KCNH8: variants seen among roughly 807,000 people sequenced by gnomAD.
The protein encoded by KCNH8 is voltage-gated delayed rectifier potassium channel KCNH8.
A neutral mutation model predicts 103.6 loss-of-function variants in KCNH8; 70 were observed. The observed-to-expected ratio is 0.68, with a 90% CI of 0.56 to 0.82. The LOEUF is 0.82. Among genes scored for constraint, KCNH8 ranks in the 40% least tolerant of loss-of-function variants. KCNH8 has a pLI of 0.00. For missense variants in KCNH8, 1,217 were observed against 1,329.9 expected, an observed-to-expected ratio of 0.92 and a Z score of 1.32; for synonymous variants, 498 against 489.4, an observed-to-expected ratio of 1.02 and a Z score of -0.23.
At chr3:19,242,530 G>T (rs1369389988) in intron 1 of KCNH8, among the ~76,000 whole-genome samples, 1 of 152,192 alleles carries the variant, frequency 6.6e-6, no homozygotes, top group East Asian at 1.9e-4. Flanking sequence ...AAAACCATAA[G>T]ATCAAAGGGG....
chr3:19,202,180 T>G (rs1367534445), intron 1 of KCNH8, among the ~76,000 whole-genome samples: 1 of 152,168 alleles, frequency 6.6e-6, no homozygotes, highest in Non-Finnish European at 1.5e-5. Context: ...CCTGTTTTGC[T>G]TAGGCCGGTC....
At chr3:19,355,609 C>A (rs2125325635) in intron 5 of KCNH8, among the ~76,000 whole-genome samples, 1 of 152,226 alleles carries the variant, frequency 6.6e-6, no homozygotes, top group Non-Finnish European at 1.5e-5. Context: ...TAGAAACCAT[C>A]ATTCTGAGCA....
chr3:19,320,821 T>G (rs1559475234), intron 3 of KCNH8, among the ~76,000 whole-genome samples: 3 of 151,912 alleles, frequency 2.0e-5, no homozygotes, highest in African/African-American at 4.8e-5. Flanking sequence ...GAATTTTTTT[T>G]TTGTTGGTAA....
chr3:19,169,867 A>ATT (rs1240027470), intron 1 of KCNH8, among the ~76,000 whole-genome samples: 2 of 152,232 alleles, frequency 1.3e-5, no homozygotes, highest in Non-Finnish European at 2.9e-5. Flanking sequence ...GAAGTTGTAT[A>ATT]TCATTTTTTG....
At chr3:19,462,052 T>G (rs970017544) in intron 11 of KCNH8, among the ~76,000 whole-genome samples, 2 of 152,222 alleles carry the variant, frequency 1.3e-5, no homozygotes, top group South Asian at 2.1e-4. Flanking sequence ...TGTTGGACAT[T>G]TGGGTTGGTT....
intron 7 of KCNH8, among the ~76,000 whole-genome samples, chr3:19,419,814 A>G (rs2066924377): frequency 6.6e-6 from 1 of 151,932 alleles, no homozygotes; most frequent in East Asian, 2.0e-4. Context: ...AGGTTCAGTC[A>G]ATTGAAGTAC....
At chr3:19,415,010 CCT>C (rs1363599316) in intron 7 of KCNH8, among the ~76,000 whole-genome samples, 1 of 151,798 alleles carries the variant, frequency 6.6e-6, no homozygotes, top group East Asian at 1.9e-4. Flanking sequence ...TCACTTGCTC[CCT>C]CTTTCTCTCC....
intron 1 of KCNH8, among the ~76,000 whole-genome samples, chr3:19,159,402 A>T (rs2063212644): frequency 6.6e-6 from 1 of 152,006 alleles, no homozygotes; most frequent in South Asian, 2.1e-4. Context: ...TGGAATTTAC[A>T]TTCTTTTCTT....
At chr3:19,233,253 G>A (rs1178408923) in intron 1 of KCNH8, among the ~76,000 whole-genome samples, 2 of 152,126 alleles carry the variant, frequency 1.3e-5, no homozygotes, top group African/African-American at 4.8e-5. Context: ...TGAAAAGTTT[G>A]TAGCAGAAGA....
intron 1 of KCNH8, among the ~76,000 whole-genome samples, chr3:19,223,265 G>A (rs77813736): frequency 0.11 from 16,142 of 152,026 alleles, 2,840 homozygotes; most frequent in African/African-American, 0.36. Context: ...AGGTCTCAAC[G>A]TAAAATTAAA....
intron 2 of KCNH8, 56 bp from the exon 3 acceptor site, chr3:19,281,142 A>T (rs551617965): frequency 1.7e-5 from 27 of 1,566,342 alleles, no homozygotes; most frequent in Non-Finnish European, 2.3e-5. Flanking sequence ...TGAGATTTCC[A>T]TAGAGATAAC....
At chr3:19,158,285 A>G (rs113154438) in intron 1 of KCNH8, among the ~76,000 whole-genome samples, 2,151 of 151,592 alleles carry the variant, frequency 0.014, 51 homozygotes, top group African/African-American at 0.049. Flanking sequence ...ATGTAATTCT[A>G]TTTCTTGACT....
At chr3:19,375,113 T>C (rs1285679704) in intron 5 of KCNH8, among the ~76,000 whole-genome samples, 2 of 151,772 alleles carry the variant, frequency 1.3e-5, no homozygotes, top group African/African-American at 4.8e-5. Context: ...GGAGTATCTT[T>C]GTGGCGTTCT....
At chr3:19,478,743 G>GT (rs1298519554) in intron 11 of KCNH8, among the ~76,000 whole-genome samples, 1 of 151,990 alleles carries the variant, frequency 6.6e-6, no homozygotes, top group Non-Finnish European at 1.5e-5. Flanking sequence ...AAATTTGACT[G>GT]TAAGACTAGT....
At chr3:19,192,729 C>T (rs76804420) in intron 1 of KCNH8, among the ~76,000 whole-genome samples, 9,538 of 151,492 alleles carry the variant, frequency 0.063, 1,059 homozygotes, top group African/African-American at 0.22. Context: ...ATTGTCATTT[C>T]GAGTAACTGA....
At chr3:19,488,002 G>A (rs947389795) in intron 11 of KCNH8, among the ~76,000 whole-genome samples, 1 of 152,120 alleles carries the variant, frequency 6.6e-6, no homozygotes, top group South Asian at 2.1e-4. Context: ...CACCAGTATT[G>A]ACCAAAAACT....
At chr3:19,433,515 TCA>T (rs1351301262) in intron 7 of KCNH8, among the ~76,000 whole-genome samples, 2 of 152,194 alleles carry the variant, frequency 1.3e-5, no homozygotes, top group Non-Finnish European at 2.9e-5. Flanking sequence ...TTCAATCCAA[TCA>T]CTTCATATTT....
rs1334957983 is a variant in KCNH8 at position 19,273,850 on chromosome 3, C to T, written c.311-7348C>T. Among the ~76,000 whole-genome samples the T allele has an allele frequency of 3.3e-5, 5 of 152,140 alleles. No individual in the cohort carries two copies. The East Asian group carries it at 9.6e-4, about 29-fold the overall frequency. ...ATTTAAAAATTAACGCCACATATAC[C>T]TTAATGAAGGATGTTTTTCAGTCTT... On this transcript the variant is annotated intron_variant, in intron 2 of 15. Transcript: ENST00000328405.
chr3:19,190,593 C>G (rs997508751), intron 1 of KCNH8, among the ~76,000 whole-genome samples: 3 of 151,752 alleles, frequency 2.0e-5, no homozygotes, highest in Non-Finnish European at 2.9e-5. Context: ...TAATACGTGT[C>G]CAATGTATTT....
Sources: gnomAD v4.1 joint callset for allele counts (sites outside exome capture counted in the v4.1 genomes callset) on GRCh38, gnomAD v4.1.1 for gene constraint, MANE v1.5 for transcripts, NCBI Gene and HGNC (gene_info 2026-07-23, HGNC 2026-07-21) for gene names.